Variants in PTPN3 observed in about 807,000 individuals in gnomAD.
PTPN3 encodes protein tyrosine phosphatase non-receptor type 3.
Under a neutral mutation model 132.7 loss-of-function variants are expected in PTPN3, and 96 were observed. That is an observed-to-expected ratio of 0.72 (90% CI 0.61 to 0.86). PTPN3 has a LOEUF of 0.86. Ranked by LOEUF, PTPN3 falls within the 40% of genes least tolerant of loss-of-function variation. The pLI is 0.00. For synonymous variants in PTPN3, 398 were observed against 429.0 expected, an observed-to-expected ratio of 0.93 and a Z score of 0.89; for missense variants, 1,125 against 1,159.6, an observed-to-expected ratio of 0.97 and a Z score of 0.43.
At chr9:109,428,738 G>A in intron 10 of PTPN3, 54 bp from the exon 11 acceptor site, 5 of 1,573,236 alleles carry the variant, frequency 3.2e-6, no homozygotes, top group Non-Finnish European at 4.3e-6. Context: ...CGGCCAGGTT[G>A]AAGCTGATGC....
intron 1 of PTPN3, among the ~76,000 whole-genome samples, chr9:109,487,343 C>T (rs1271658455): frequency 6.6e-6 from 1 of 152,168 alleles, no homozygotes; most frequent in East Asian, 1.9e-4. Context: ...CAGGGAGGGC[C>T]CCCCTGGCCG....
the PTPN3 span, among the ~76,000 whole-genome samples, chr9:109,523,436 A>G: frequency 3.3e-5 from 5 of 152,116 alleles, no homozygotes; most frequent in African/African-American, 4.8e-5. Context: ...TTAAACAGTC[A>G]GATTAAATGG....
chr9:109,436,880 T>C lies in PTPN3; in HGVS notation c.675+3A>G, dbSNP rs781706371. 2 of 1,611,514 alleles carry C rather than the reference T, an allele frequency of 1.2e-6. No homozygotes were observed. The highest frequency in any genetic ancestry group is 1.7e-5 in the Admixed American group (1 of 59,534). ...TGAGCCAAGACATAACAAGAATACA[T>C]ACCCTACCACTGTGCAGTTCTACTC... On this transcript the variant is annotated splice_donor_region_variant and intron_variant, in intron 9 of 25. Coordinates refer to ENST00000374541, the MANE Select transcript of PTPN3 (RefSeq NM_002829.4).
intron 22 of PTPN3, 103 bp from the exon 23 acceptor site, chr9:109,383,654 C>T: frequency 6.9e-7 from 1 of 1,459,224 alleles, no homozygotes; most frequent in Non-Finnish European, 9.3e-7. Flanking sequence ...TCATGCACAC[C>T]CGAGAGCACT....
At chr9:109,528,078 A>G in the PTPN3 span, among the ~76,000 whole-genome samples, 1 of 152,246 alleles carries the variant, frequency 6.6e-6, no homozygotes, top group Non-Finnish European at 1.5e-5. Flanking sequence ...ATCACTTGTC[A>G]TTAAAAGCAT....
Position 109,381,592 on chromosome 9 carries a change from C to T in PTPN3, c.2664+60G>A. On this transcript the variant is annotated intron_variant, in intron 25 of 25. Transcript: ENST00000374541. ...TGACTCACAAAGCCCTTCTCTCAGG[C>T]CTGCCTGGTGTAAGTGCTCAGAAAG... 6 of 1,592,040 alleles carry T rather than the reference C, an allele frequency of 3.8e-6. No individual in the cohort carries two copies. In the South Asian group the frequency reaches 6.6e-5, roughly 18 times the overall value.
intron 18 of PTPN3, among the ~76,000 whole-genome samples, chr9:109,406,059 G>A (rs1303607240): frequency 1.3e-5 from 2 of 152,192 alleles, no homozygotes; most frequent in African/African-American, 4.8e-5. Flanking sequence ...TCTCCTCACT[G>A]CCTCCCCGAC....
chr9:109,415,943 G>A (rs1842454649), intron 14 of PTPN3, among the ~76,000 whole-genome samples: 3 of 152,138 alleles, frequency 2.0e-5, no homozygotes, highest in Non-Finnish European at 4.4e-5. Flanking sequence ...AGAAGGCAAG[G>A]TTCAAGGAAA....
intron 1 of PTPN3, among the ~76,000 whole-genome samples, chr9:109,479,611 C>T (rs891842235): frequency 6.6e-6 from 1 of 152,252 alleles, no homozygotes; most frequent in African/African-American, 2.4e-5. Context: ...CAGTCTTCCT[C>T]TGTTGCCCAG....
At chr9:109,383,820 G>A (rs1564371770) in intron 22 of PTPN3, among the ~76,000 whole-genome samples, 2 of 152,110 alleles carry the variant, frequency 1.3e-5, no homozygotes, top group Non-Finnish European at 2.9e-5. Flanking sequence ...GCCACTCGCT[G>A]GAAGAGCACC....
At chr9:109,460,397 A>G (rs1374472681) in intron 2 of PTPN3, among the ~76,000 whole-genome samples, 1 of 151,868 alleles carries the variant, frequency 6.6e-6, no homozygotes, top group Non-Finnish European at 1.5e-5. Flanking sequence ...CCTATTGTCA[A>G]CTGTGGACAG....
At chr9:109,484,642 C>A (rs542590887) in intron 1 of PTPN3, among the ~76,000 whole-genome samples, 1 of 152,156 alleles carries the variant, frequency 6.6e-6, no homozygotes, top group African/African-American at 2.4e-5. Context: ...ACTTCAGAGG[C>A]GACAGGAGGG....
intron 5 of PTPN3, 125 bp downstream of exon 5, chr9:109,454,371 C>A: frequency 1.2e-6 from 1 of 808,218 alleles, no homozygotes; most frequent in South Asian, 1.7e-5. Flanking sequence ...TTACTTGGAT[C>A]ATCATTGTTG....
At chr9:109,523,585 C>T in the PTPN3 span, among the ~76,000 whole-genome samples, 4 of 152,284 alleles carry the variant, frequency 2.6e-5, no homozygotes, top group African/African-American at 9.6e-5. Context: ...AAGAGAATGT[C>T]TTCAACTGGG....
In PTPN3 at chr9:109,381,667, C is replaced by T; in HGVS notation, c.2649G>A (p.Met883Ile). 2 of 1,614,258 alleles carry T rather than the reference C, an allele frequency of 1.2e-6. No homozygotes were observed. The highest frequency in any genetic ancestry group is 1.7e-6 in the Non-Finnish European group (2 of 1,180,048). ...TTCTACTCACTGATGTCTGCACCATCATGGCGCGCTGGTCTCGCATTTTTC... is the reference window on the plus strand; with the variant it reads ...TTCTACTCACTGATGTCTGCACCATTATGGCGCGCTGGTCTCGCATTTTTC... ...IVRKMRDQRAMMVQTSSQYKF... is the reference protein window; with the variant it reads ...IVRKMRDQRAIMVQTSSQYKF... The change falls in exon 25 of 26, where the codon ATG becomes ATA. Residue 883 changes from methionine to isoleucine, a missense_variant. Physicochemically the swap from Met to Ile is conservative, Grantham distance 10 (BLOSUM62 1). Coordinates refer to ENST00000374541, the MANE Select transcript of PTPN3 (RefSeq NM_002829.4).
the PTPN3 span, among the ~76,000 whole-genome samples, chr9:109,535,062 G>A: frequency 2.0e-5 from 3 of 152,194 alleles, no homozygotes; most frequent in African/African-American, 7.2e-5. Context: ...TACTTTAAAA[G>A]CTCTGTGGGA....
chr9:109,514,581 C>T, the PTPN3 span, among the ~76,000 whole-genome samples: 1 of 152,162 alleles, frequency 6.6e-6, no homozygotes, highest in Non-Finnish European at 1.5e-5. Context: ...AGCAAAATAG[C>T]GTCATTGATA....
chr9:109,393,532 AT>A (rs1191401377), intron 19 of PTPN3, among the ~76,000 whole-genome samples: 10 of 151,758 alleles, frequency 6.6e-5, no homozygotes, highest in African/African-American at 2.4e-4. Context: ...GATTATAGGT[AT>A]CCATCACCAC....
intron 14 of PTPN3, among the ~76,000 whole-genome samples, chr9:109,419,544 T>A: frequency 6.6e-6 from 1 of 152,218 alleles, no homozygotes. Flanking sequence ...ATAATCTATG[T>A]CTTACCTACT....
Sources: allele counts gnomAD v4.1 joint callset (sites outside exome capture counted in the v4.1 genomes callset), GRCh38; gene constraint gnomAD v4.1.1; transcripts MANE v1.5; gene names NCBI Gene and HGNC (gene_info 2026-07-23, HGNC 2026-07-21).